The following UNC13C variants were observed in gnomAD, a reference collection of about 807,000 sequenced individuals.
UNC13C encodes the protein unc-13 homolog C.
Under a neutral mutation model 245.4 loss-of-function variants are expected in UNC13C, and 174 were observed. That is an observed-to-expected ratio of 0.71 (90% CI 0.63 to 0.80). The LOEUF is 0.80. Ranked by LOEUF, UNC13C falls within the 30% of genes least tolerant of loss-of-function variation. The pLI is 0.00. For missense variants in UNC13C, 2,829 were observed against 2,602.9 expected (o/e 1.09, Z -1.89); for synonymous variants, 992 against 895.1 (o/e 1.11, Z -1.93).
intron 26 of UNC13C, among the ~76,000 whole-genome samples, chr15:54,533,610 C>A (rs1311340760): frequency 6.6e-6 from 1 of 152,186 alleles, no homozygotes; most frequent in Admixed American, 6.5e-5. Flanking sequence ...GCCGAAGTCC[C>A]TGATACCATG....
Position 54,015,156 on chromosome 15 carries a change from A to G in UNC13C, c.2253A>G (p.Gln751=), listed in dbSNP as rs1895587123. 2 of 1,612,374 alleles carry G rather than the reference A, an allele frequency of 1.2e-6. No homozygotes were observed. Among genetic ancestry groups the G allele is most frequent in the Admixed American group, 3.3e-5 (2 of 59,704 alleles). The change falls in exon 2 of 33, where the codon CAA becomes CAG. Residue 751 remains glutamine (Q), a synonymous_variant. Coordinates refer to ENST00000260323, the MANE Select transcript of UNC13C (RefSeq NM_001080534.3). ...YQGANSNELY[Q]NQNQLSMMYR... Reference sequence around the variant, plus strand: ...GAGCTAATTCTAATGAGCTATACCAAAATCAAAACCAGTTGTCCATGATGT... The same window carrying G: ...GAGCTAATTCTAATGAGCTATACCAGAATCAAAACCAGTTGTCCATGATGT...
intron 19 of UNC13C, among the ~76,000 whole-genome samples, chr15:54,481,858 C>T (rs905547590): frequency 3.3e-5 from 5 of 152,080 alleles, no homozygotes; most frequent in Admixed American, 6.5e-5. Flanking sequence ...CTCCAGATGA[C>T]CTGTGTGGGT....
At chr15:54,550,109 T>G (rs1896672533) in intron 28 of UNC13C, among the ~76,000 whole-genome samples, 1 of 152,128 alleles carries the variant, frequency 6.6e-6, no homozygotes, top group Non-Finnish European at 1.5e-5. Context: ...TAATTTGAGA[T>G]TCCCAAAACA....
the UNC13C span, among the ~76,000 whole-genome samples, chr15:53,922,139 G>T: frequency 6.6e-6 from 1 of 152,260 alleles, no homozygotes; most frequent in South Asian, 2.1e-4. Flanking sequence ...TGGTATTACT[G>T]GTTTTTAAAA....
At chr15:54,598,721 G>A (rs779605632) in intron 30 of UNC13C, among the ~76,000 whole-genome samples, 1 of 150,776 alleles carries the variant, frequency 6.6e-6, no homozygotes, top group Non-Finnish European at 1.5e-5. Context: ...CTTTTTAAAA[G>A]AAAAATTGGC....
chr15:54,333,599 C>G (rs1021911212), intron 15 of UNC13C, among the ~76,000 whole-genome samples, 168 bp from the exon 16 acceptor site: 3 of 151,914 alleles, frequency 2.0e-5, no homozygotes, highest in African/African-American at 7.2e-5. Flanking sequence ...AAATTGTTTA[C>G]GTTCTATAAT....
At chr15:54,116,138 TTTAA>T (rs2030229202) in intron 2 of UNC13C, among the ~76,000 whole-genome samples, 1 of 152,118 alleles carries the variant, frequency 6.6e-6, no homozygotes, top group Non-Finnish European at 1.5e-5. Flanking sequence ...ATTTTATTGG[TTTAA>T]TTGAAACATA....
At chr15:53,887,673 A>G in the UNC13C span, among the ~76,000 whole-genome samples, 1 of 152,084 alleles carries the variant, frequency 6.6e-6, no homozygotes, top group Non-Finnish European at 1.5e-5. Flanking sequence ...CCTTCAACCC[A>G]CATACATTAG....
intron 11 of UNC13C, among the ~76,000 whole-genome samples, chr15:54,295,934 A>G (rs1459311316): frequency 6.6e-6 from 1 of 152,122 alleles, no homozygotes; most frequent in Admixed American, 6.5e-5. Context: ...AAATCCCTAA[A>G]TACATTCTAT....
intron 1 of UNC13C, among the ~76,000 whole-genome samples, chr15:53,996,407 G>C (rs1276607741): frequency 6.6e-6 from 1 of 152,100 alleles, no homozygotes; most frequent in African/African-American, 2.4e-5. Flanking sequence ...TTAACACACT[G>C]CTTAGGCCCT....
chr15:54,617,323 T>A (rs936561676), intron 30 of UNC13C, among the ~76,000 whole-genome samples: 2 of 152,050 alleles, frequency 1.3e-5, no homozygotes, highest in African/African-American at 4.8e-5. Flanking sequence ...AGGTCAAAAT[T>A]TGCTTTTTCC....
chr15:54,450,380 A>G lies in UNC13C; in HGVS notation c.4933+35313A>G, dbSNP rs551197686. Among the ~76,000 whole-genome samples, 52 of 152,328 alleles carry G rather than the reference A, an allele frequency of 3.4e-4. No homozygotes were observed. In the East Asian group the frequency reaches 9.1e-3, roughly 27 times the overall value. The stretch of plus-strand genomic sequence containing the variant: ...CCCTGCCCCCAGAGGTGGAGTCTAC[A>G]GAGGCCGGCAGGCCTCCTTGAGCTG... On this transcript the variant is annotated intron_variant, in intron 19 of 32. Coordinates refer to ENST00000260323, the MANE Select transcript of UNC13C (RefSeq NM_001080534.3).
chr15:54,559,756 G>T (rs955451688), intron 29 of UNC13C, among the ~76,000 whole-genome samples: 2 of 151,892 alleles, frequency 1.3e-5, no homozygotes, highest in African/African-American at 4.8e-5. Context: ...GACATTGCAG[G>T]CCTATAGAAA....
At chr15:53,874,625 TC>T in the UNC13C span, among the ~76,000 whole-genome samples, 8 of 152,164 alleles carry the variant, frequency 5.3e-5, no homozygotes, top group African/African-American at 1.2e-4. Flanking sequence ...TTGAAATGCC[TC>T]CTTTACCATC....
chr15:53,885,923 T>A, the UNC13C span, among the ~76,000 whole-genome samples: 1 of 152,148 alleles, frequency 6.6e-6, no homozygotes, highest in African/African-American at 2.4e-5. Context: ...TGGTTAACAA[T>A]TCTGACCCTG....
chr15:54,272,374 T>C (rs900033416), intron 10 of UNC13C, among the ~76,000 whole-genome samples: 1 of 151,622 alleles, frequency 6.6e-6, no homozygotes, highest in Non-Finnish European at 1.5e-5. Flanking sequence ...TTAAAATATT[T>C]TGATAGCACA....
chr15:54,025,676 G>C (rs1896079396), intron 2 of UNC13C, among the ~76,000 whole-genome samples: 1 of 151,940 alleles, frequency 6.6e-6, no homozygotes, highest in Non-Finnish European at 1.5e-5. Flanking sequence ...AAACTGAGGT[G>C]GTAAATATTG....
chr15:54,347,014 G>T (rs2038874583), intron 17 of UNC13C, among the ~76,000 whole-genome samples: 1 of 152,114 alleles, frequency 6.6e-6, no homozygotes, highest in Non-Finnish European at 1.5e-5. Flanking sequence ...AATAAAACCT[G>T]TAATCCGAAG....
the UNC13C span, among the ~76,000 whole-genome samples, chr15:53,942,779 C>T: frequency 6.6e-6 from 1 of 152,150 alleles, no homozygotes; most frequent in Non-Finnish European, 1.5e-5. Flanking sequence ...TCTCGTGCCT[C>T]AGTCTTCCAA....
Sources: gnomAD v4.1 joint callset for allele counts (sites outside exome capture counted in the v4.1 genomes callset) on GRCh38, gnomAD v4.1.1 for gene constraint, MANE v1.5 for transcripts, NCBI Gene and HGNC (gene_info 2026-07-23, HGNC 2026-07-21) for gene names.